NLRP12: variants seen among roughly 807,000 people sequenced by gnomAD.
The protein encoded by NLRP12 is NLR family pyrin domain containing 12.
A neutral mutation model predicts 91.2 loss-of-function variants in NLRP12; 108 were observed. The ratio of observed to expected loss-of-function variants is 1.18; its 90% CI spans 1.01 to 1.39. NLRP12 has a LOEUF of 1.39. Among genes scored for constraint, NLRP12 ranks in the 40% most tolerant of loss-of-function variants. NLRP12 has a pLI of 0.00. For synonymous variants in NLRP12, 613 were observed against 566.7 expected (o/e 1.08, Z -1.16); for missense variants, 1,530 against 1,352.7 (o/e 1.13, Z -2.06).
chr19:53,806,132 G>C (rs1010932505), intron 4 of NLRP12, among the ~76,000 whole-genome samples: 2 of 152,036 alleles, frequency 1.3e-5, no homozygotes, highest in Non-Finnish European at 2.9e-5. Context: ...TAATCAGGAG[G>C]CTGAGGCAGG....
At chr19:53,803,379 C>T (rs1049006554) in intron 6 of NLRP12, among the ~76,000 whole-genome samples, 2 of 151,836 alleles carry the variant, frequency 1.3e-5, no homozygotes, top group East Asian at 3.9e-4. Flanking sequence ...GGGGCTTCTC[C>T]ATGTTGGTCA....
At position 53,816,893 on chromosome 19, in the gene NLRP12, T is replaced by C. The variant is rs375692685; in HGVS notation, c.290-1905A>G. ...TTATCATTGAGAGGAAAGGGGAAAA[T>C]AGGGAATTGTTTAATGGGTATCGAG... On this transcript the variant is annotated intron_variant, in intron 1 of 9. Coordinates refer to ENST00000324134, the MANE Select transcript of NLRP12 (RefSeq NM_144687.4). Among the ~76,000 whole-genome samples the C allele has an allele frequency of 1.7e-4, 26 of 151,340 alleles. No homozygotes were observed. In the East Asian group the frequency reaches 2.5e-3, roughly 15 times the overall value.
Position 53,796,014 on chromosome 19 carries a change from GC to G in NLRP12, c.2942del (p.Gly981AlafsTer20), listed in dbSNP as rs775213643. ...RLQKLWLDSCGLTAKACENLY... is the reference protein window; with the variant it reads ...RLQKLWLDSCXLTAKACENLY... ...GATTCTCACAAGCCTTGGCTGTGAG[GC>G]CACAGCTATCCAGCCTGGTGAAGAT... On this transcript the variant is annotated frameshift_variant, in exon 9 of 10. Transcript: ENST00000324134. LOFTEE classifies it high-confidence loss of function. The G allele has an allele frequency of 6.2e-7, 1 of 1,614,090 alleles. No individual in the cohort carries two copies. Among genetic ancestry groups the G allele is most frequent in the African/African-American group, 1.3e-5 (1 of 75,058 alleles).
intron 3 of NLRP12, among the ~76,000 whole-genome samples, chr19:53,808,987 A>C (rs1015013321): frequency 6.6e-6 from 1 of 152,030 alleles, no homozygotes; most frequent in African/African-American, 2.4e-5. Context: ...ATGAACCTCA[A>C]GGCCAAGGTG....
chr19:53,808,102 A>G, intron 3 of NLRP12: 1 of 344,638 alleles, frequency 2.9e-6, no homozygotes, highest in Non-Finnish European at 5.7e-6. Context: ...CCTGTTGTCT[A>G]GGCTGGAGTG....
In NLRP12 at chr19:53,810,737, C is replaced by G; in HGVS notation, c.922G>C (p.Gly308Arg). 6 of 1,614,030 alleles carry G rather than the reference C, an allele frequency of 3.7e-6. No individual in the cohort carries two copies. Among genetic ancestry groups the G allele is most frequent in the Non-Finnish European group, 5.1e-6 (6 of 1,180,020 alleles). ...ELKPSFHDPQ[G>R]PWCLCWEEKR... Reference sequence around the variant, plus strand: ...TCCTCCCAGCAGAGGCACCAGGGTCCCTGAGGATCGTGGAAAGAAGGCTTG... The same window carrying G: ...TCCTCCCAGCAGAGGCACCAGGGTCGCTGAGGATCGTGGAAAGAAGGCTTG... Residue 308 changes from glycine (G) to arginine (R), a missense_variant, in exon 3 of 10, where the codon GGA becomes CGA. By Grantham distance (125) the Gly-to-Arg change is moderately radical. Transcript: ENST00000324134.
In NLRP12 at chr19:53,801,224, C is replaced by G. The variant is rs748224269; in HGVS notation, c.2756+3G>C. On this transcript the variant is annotated splice_donor_region_variant and intron_variant, in intron 7 of 9. Transcript: ENST00000324134. ...CTAGCGTGGTGAGCAAAACGGGACT[C>G]ACCGCAGGGTCTGGAGCTTGCACGT... 1 of 1,613,716 alleles carries G rather than the reference C, an allele frequency of 6.2e-7. No individual in the cohort carries two copies. Among genetic ancestry groups the G allele is most frequent in the African/African-American group, 1.3e-5 (1 of 74,870 alleles).
chr19:53,809,539 A>AAG, intron 3 of NLRP12, 48 bp downstream of exon 3: 78 of 1,469,022 alleles, frequency 5.3e-5, no homozygotes, highest in Non-Finnish European at 6.6e-5. Context: ...AAAAAAAAAA[A>AAG]AACACACGAA....
At position 53,798,351 on chromosome 19, in the gene NLRP12, T is replaced by C. The variant is rs753465728; in HGVS notation, c.2819A>G (p.Asn940Ser). 45 of 1,613,970 alleles carry C rather than the reference T, an allele frequency of 2.8e-5. No individual in the cohort carries two copies. Among genetic ancestry groups the C allele is most frequent in the Non-Finnish European group, 3.6e-5 (42 of 1,180,018 alleles). The change falls in exon 8 of 10, where the codon AAC (asparagine) becomes AGC (serine). Residue 940 changes from asparagine (N) to serine (S), a missense_variant. Physicochemically the swap from Asn to Ser is conservative, Grantham distance 46. Coordinates refer to ENST00000324134, the MANE Select transcript of NLRP12 (RefSeq NM_144687.4). The part of the protein sequence containing the change: ...CEGLSVVLQA[N>S]HNLRELDLSF... ...CAAGTCCAGCTCCCGGAGGTTGTGG[T>C]TGGCCTGGAGCACCACAGAAAGACC...
At chr19:53,814,438 T>C (rs529089649) in intron 2 of NLRP12, among the ~76,000 whole-genome samples, 1 of 152,192 alleles carries the variant, frequency 6.6e-6, no homozygotes, top group South Asian at 2.1e-4. Flanking sequence ...CTGCAACCTC[T>C]ACCTCCCAGG....
intron 7 of NLRP12, among the ~76,000 whole-genome samples, chr19:53,800,605 G>A (rs1441049366): frequency 1.3e-5 from 2 of 150,828 alleles, no homozygotes; most frequent in Non-Finnish European, 3.0e-5. Context: ...TTTTTGAGAC[G>A]GAGTTTCGCT....
chr19:53,810,996 T>C lies in NLRP12; in HGVS notation c.663A>G (p.Ile221Met), dbSNP rs1411462382. The change falls in exon 3 of 10, where the codon ATA becomes ATG. Residue 221 changes from isoleucine to methionine, a missense_variant. Coordinates refer to ENST00000324134, the MANE Select transcript of NLRP12 (RefSeq NM_144687.4). ...RTVVMQGAAGIGKSMLAHKVM... is the reference protein window; with the variant it reads ...RTVVMQGAAGMGKSMLAHKVM... ...CCTTGTGTGCCAGCATGGACTTGCC[T>C]ATCCCTGCCGCGCCTTGCATGACCA... 6.2e-7 allele frequency: 1 copy of C among 1,614,132 alleles called. No individual in the cohort carries two copies. The highest frequency in any genetic ancestry group is 1.1e-5 in the South Asian group (1 of 91,088).
chr19:53,794,288 G>A (rs966026910), intron 9 of NLRP12, 152 bp from the exon 10 acceptor site: 1 of 715,134 alleles, frequency 1.4e-6, no homozygotes, highest in South Asian at 1.5e-5. Context: ...CTTACTACAT[G>A]CTACATGCAA....
intron 1 of NLRP12, 64 bp downstream of exon 1, chr19:53,823,821 AT>A: frequency 6.3e-7 from 1 of 1,585,726 alleles, no homozygotes. Context: ...AAGTGCTGAG[AT>A]TACAGGTATG....
chr19:53,797,347 A>T (rs1256654348), intron 8 of NLRP12, among the ~76,000 whole-genome samples: 1 of 151,794 alleles, frequency 6.6e-6, no homozygotes, highest in Non-Finnish European at 1.5e-5. Context: ...CTGGTCTCAA[A>T]CTCCTGACCT....
intron 5 of NLRP12, 52 bp from the exon 6 acceptor site, chr19:53,804,174 T>C: frequency 6.4e-7 from 1 of 1,573,502 alleles, no homozygotes. Context: ...TTCTATGTCG[T>C]GATCACTCAT....
chr19:53,811,186 G>T lies in NLRP12; in HGVS notation c.473C>A (p.Thr158Asn). 3 of 1,614,152 alleles carry T rather than the reference G, an allele frequency of 1.9e-6. No homozygotes were observed. Among genetic ancestry groups the T allele is most frequent in the Non-Finnish European group, 2.5e-6 (3 of 1,180,030 alleles). ...GECVNLSHRY[T>N]RLLLVKEHSN... is the part of the protein sequence containing the mutation. Reference sequence around the variant, plus strand: ...GTGCTCCTTCACCAGCAGGAGCCGGGTGTACCGGTGGCTGAGGTTGACACA... The same window carrying T: ...GTGCTCCTTCACCAGCAGGAGCCGGTTGTACCGGTGGCTGAGGTTGACACA... The change falls in exon 3 of 10, where the codon ACC becomes AAC. Residue 158 changes from threonine (T) to asparagine (N), a missense_variant. By Grantham distance (65) the Thr-to-Asn change is moderately conservative (BLOSUM62 0). Coordinates refer to ENST00000324134, the MANE Select transcript of NLRP12 (RefSeq NM_144687.4).
intron 2 of NLRP12, 26 bp from the exon 3 acceptor site, chr19:53,811,314 T>A (rs1462217507): frequency 3.1e-6 from 5 of 1,613,162 alleles, no homozygotes; most frequent in Non-Finnish European, 8.5e-7. Flanking sequence ...GAAGGTTTTG[T>A]GGAAGACTCA....
At chr19:53,819,515 ATGTG>A (rs2092223791) in intron 1 of NLRP12, among the ~76,000 whole-genome samples, 1 of 101,068 alleles carries the variant, frequency 9.9e-6, no homozygotes, top group Non-Finnish European at 2.0e-5. Flanking sequence ...ATGTATACAT[ATGTG>A]TATATATGTG....
Sources: gnomAD v4.1 joint callset for allele counts (sites outside exome capture counted in the v4.1 genomes callset) on GRCh38, gnomAD v4.1.1 for gene constraint, MANE v1.5 for transcripts, NCBI Gene and HGNC (gene_info 2026-07-23, HGNC 2026-07-21) for gene names.